MARK1: variants seen among roughly 807,000 people sequenced by gnomAD.
MARK1 encodes the protein serine/threonine-protein kinase MARK1.
MARK1 carries 40 observed loss-of-function variants against 96.3 expected under a neutral mutation model. That is an observed-to-expected ratio of 0.42 (90% CI 0.32 to 0.54). The LOEUF is 0.54. Among genes scored for constraint, MARK1 ranks in the 20% least tolerant of loss-of-function variants. The probability of loss-of-function intolerance (pLI) is 0.16; values close to 1 mark genes in which losing one functional copy is unlikely to be tolerated. For synonymous variants in MARK1, 317 were observed against 341.2 expected, an observed-to-expected ratio of 0.93 and a Z score of 0.78; for missense variants, 719 against 984.6, an observed-to-expected ratio of 0.73 and a Z score of 3.61.
At chr1:220,586,327 C>CA (rs1664627497) in intron 3 of MARK1, among the ~76,000 whole-genome samples, 1 of 152,068 alleles carries the variant, frequency 6.6e-6, no homozygotes. Context: ...TTTCTCCCAC[C>CA]TTCTGGGTAA....
At chr1:220,537,130 C>T (rs1321943811) in intron 1 of MARK1, among the ~76,000 whole-genome samples, 1 of 150,356 alleles carries the variant, frequency 6.7e-6, no homozygotes, top group South Asian at 2.1e-4. Context: ...GGTACATGTG[C>T]ACAATGTGCA....
chr1:220,592,715 C>T (rs1224428969), intron 3 of MARK1, among the ~76,000 whole-genome samples: 1 of 152,174 alleles, frequency 6.6e-6, no homozygotes, highest in African/African-American at 2.4e-5. Flanking sequence ...AACTGGCAAA[C>T]ATGTTTGGGA....
intron 13 of MARK1, 24 bp from the exon 14 acceptor site, chr1:220,650,596 A>G: frequency 6.9e-7 from 1 of 1,444,482 alleles, no homozygotes; most frequent in Non-Finnish European, 9.7e-7. Flanking sequence ...TAATTTTTTA[A>G]TTGCCTTTTT....
Position 220,550,527 on chromosome 1 carries a change from A to G in MARK1, c.51+21654A>G, listed in dbSNP as rs148564248. ...GCCACCACACCCCGCTAATTTTTGT[A>G]TTTTTTGTAGAGACAGAGTTTTGCC... On this transcript the variant is annotated intron_variant, in intron 1 of 17. Coordinates refer to ENST00000366917, the MANE Select transcript of MARK1 (RefSeq NM_018650.5). Among the ~76,000 whole-genome samples the G allele has an allele frequency of 7.9e-3, 1,206 of 152,108 alleles. 14 individuals carry two copies. The highest frequency in any genetic ancestry group is 0.024 in the Middle Eastern group (7 of 294).
intron 1 of MARK1, among the ~76,000 whole-genome samples, chr1:220,551,209 A>G (rs1351721931): frequency 6.6e-6 from 1 of 152,220 alleles, no homozygotes; most frequent in African/African-American, 2.4e-5. Context: ...CGGGAGCTGA[A>G]GGAGCTCCAT....
intron 5 of MARK1, 56 bp from the exon 6 acceptor site, chr1:220,604,011 A>G (rs375885453): frequency 1.2e-5 from 14 of 1,159,330 alleles, no homozygotes; most frequent in African/African-American, 9.3e-5. Context: ...CATTGCATAT[A>G]TTGTTAACCA....
Position 220,618,601 on chromosome 1 carries a change from A to G in MARK1, c.790-35A>G. The G allele has an allele frequency of 6.2e-7, 1 of 1,613,470 alleles. No homozygotes were observed. Among genetic ancestry groups the G allele is most frequent in the South Asian group, 1.1e-5 (1 of 90,792 alleles). ...ATCCCCAAGTATGATTATGTCAAAA[A>G]CCAGTTATAAGTGCTTTCTTTCACT... On this transcript the variant is annotated intron_variant, in intron 8 of 17. Transcript: ENST00000366917. This position sits in a 1 kb window ranked among gnomAD's most constrained non-coding sequence, Gnocchi z 4.6.
chr1:220,609,654 G>A (rs1666313056), intron 6 of MARK1, among the ~76,000 whole-genome samples: 2 of 152,098 alleles, frequency 1.3e-5, no homozygotes, highest in Non-Finnish European at 2.9e-5. Context: ...TAGCATCGAT[G>A]GTCTTTACAA....
chr1:220,555,809 A>G (rs1662207386), intron 1 of MARK1, among the ~76,000 whole-genome samples: 1 of 152,226 alleles, frequency 6.6e-6, no homozygotes, highest in African/African-American at 2.4e-5. Context: ...TATGGTACAG[A>G]TAATATTGAA....
chr1:220,549,086 G>A (rs1661693625), intron 1 of MARK1, among the ~76,000 whole-genome samples: 2 of 152,160 alleles, frequency 1.3e-5, no homozygotes, highest in Non-Finnish European at 2.9e-5. Context: ...CTGTGCTTGT[G>A]TGGGGAATAG....
At chr1:220,556,278 C>T (rs543561893) in intron 1 of MARK1, among the ~76,000 whole-genome samples, 5 of 152,162 alleles carry the variant, frequency 3.3e-5, no homozygotes, top group East Asian at 3.9e-4. Flanking sequence ...TCATCAGTAC[C>T]GGAGGCCTTA....
At chr1:220,538,961 A>G (rs112141942) in intron 1 of MARK1, among the ~76,000 whole-genome samples, 1 of 151,528 alleles carries the variant, frequency 6.6e-6, no homozygotes, top group Non-Finnish European at 1.5e-5. Flanking sequence ...GCTTAAGGAG[A>G]TTTTGGGCTG....
chr1:220,598,237 A>T (rs925330608), intron 3 of MARK1, 94 bp from the exon 4 acceptor site: 2 of 444,998 alleles, frequency 4.5e-6, no homozygotes, highest in Non-Finnish European at 4.5e-6. Flanking sequence ...AGCATTTTGT[A>T]AGCAGATTAA....
chr1:220,531,583 A>C (rs763163941), intron 1 of MARK1, among the ~76,000 whole-genome samples: 1 of 152,184 alleles, frequency 6.6e-6, no homozygotes, highest in Non-Finnish European at 1.5e-5. Flanking sequence ...ATTCAGGATA[A>C]ATAAAAATCC....
rs79607499 is a variant in MARK1, at chr1:220,565,974, A to T, written c.52-13380A>T. Among the ~76,000 whole-genome samples the T allele has an allele frequency of 8.6e-3, 1,304 of 152,282 alleles. 16 individuals are homozygous for T. The highest frequency in any genetic ancestry group is 0.029 in the African/African-American group (1,193 of 41,568). The stretch of plus-strand genomic sequence containing the variant: ...TGGGGAGGTAGCTCTAGTGAAAAGC[A>T]TAGGTCTTATAGTAAGATGGATTTA... On this transcript the variant is annotated intron_variant, in intron 1 of 17. Transcript: ENST00000366917.
chr1:220,543,228 A>G (rs2102718021), intron 1 of MARK1, among the ~76,000 whole-genome samples: 1 of 152,324 alleles, frequency 6.6e-6, no homozygotes, highest in African/African-American at 2.4e-5. Flanking sequence ...CATGACAGTC[A>G]TTGAAATTAA....
chr1:220,648,459 A>G (rs1428999580), intron 13 of MARK1, among the ~76,000 whole-genome samples: 2 of 152,196 alleles, frequency 1.3e-5, no homozygotes, highest in African/African-American at 2.4e-5. Context: ...ACTTTTGCAT[A>G]ATTGTATCTT....
chr1:220,531,778 G>A (rs1660333243), intron 1 of MARK1, among the ~76,000 whole-genome samples: 1 of 152,094 alleles, frequency 6.6e-6, no homozygotes, highest in African/African-American at 2.4e-5. Context: ...GACAACCAAT[G>A]ATTAACTTTT....
chr1:220,646,493 T>C (rs970361575), intron 13 of MARK1, among the ~76,000 whole-genome samples: 1 of 152,138 alleles, frequency 6.6e-6, no homozygotes, highest in African/African-American at 2.4e-5. Context: ...AAGCAACTTA[T>C]AAATTCAATG....
Sources: allele counts gnomAD v4.1 joint callset (sites outside exome capture counted in the v4.1 genomes callset), GRCh38; gene constraint gnomAD v4.1.1; non-coding constraint Gnocchi (gnomAD v3.1); transcripts MANE v1.5; gene names NCBI Gene and HGNC (gene_info 2026-07-23, HGNC 2026-07-21).